The following CAB39 variants were observed in gnomAD, a reference collection of about 807,000 sequenced individuals.
The protein encoded by CAB39 is calcium-binding protein 39.
Under a neutral mutation model 40.0 loss-of-function variants are expected in CAB39, and 8 were observed. The observed-to-expected ratio is 0.20, with a 90% CI of 0.12 to 0.36. CAB39 has a LOEUF of 0.36. Ranked by LOEUF, CAB39 falls within the 10% of genes least tolerant of loss-of-function variation. The pLI, the probability that CAB39 is intolerant of heterozygous loss-of-function variation, is 1.00. For missense variants in CAB39, 270 were observed against 401.1 expected (o/e 0.67, Z 2.79); for synonymous variants, 156 against 141.6 (o/e 1.10, Z -0.72).
chr2:230,756,251 T>C (rs763139743), intron 1 of CAB39, among the ~76,000 whole-genome samples: 4 of 152,244 alleles, frequency 2.6e-5, no homozygotes, highest in African/African-American at 4.8e-5. Flanking sequence ...CTAGATAGTA[T>C]AGTCAACTAC....
intron 2 of CAB39, among the ~76,000 whole-genome samples, chr2:230,764,773 G>C (rs1695355221): frequency 6.6e-6 from 1 of 152,192 alleles, no homozygotes; most frequent in African/African-American, 2.4e-5. Flanking sequence ...GTGTCTGTCT[G>C]TCTTCCAATA....
chr2:230,799,851 G>A (rs747731014), intron 5 of CAB39, among the ~76,000 whole-genome samples: 2 of 152,036 alleles, frequency 1.3e-5, no homozygotes, highest in Non-Finnish European at 2.9e-5. Flanking sequence ...TCAGCCGGGC[G>A]TAGTGGCGCA....
In CAB39 at chr2:230,759,969, C is replaced by A; in HGVS notation, c.-33C>A. On this transcript the variant is annotated 5_prime_UTR_variant, in exon 2 of 9. Transcript: ENST00000258418. ...TGTGCTGTGTTCTAGGTAGCACAGGCGGAGTGCAGCGGAGGCCCCTGCCGC... is the reference window on the plus strand; with the variant it reads ...TGTGCTGTGTTCTAGGTAGCACAGGAGGAGTGCAGCGGAGGCCCCTGCCGC... 1.7e-6 allele frequency: 2 copies of A among 1,170,280 alleles called. No homozygotes were observed. Among genetic ancestry groups the A allele is most frequent in the Non-Finnish European group, 2.6e-6 (2 of 776,476 alleles). The allele number at this position is 1,170,280 out of a possible 1,614,324, so 72.5% of individuals were successfully genotyped here.
chr2:230,724,947 C>T (rs536951414), intron 1 of CAB39, among the ~76,000 whole-genome samples: 12 of 151,394 alleles, frequency 7.9e-5, no homozygotes, highest in Non-Finnish European at 1.2e-4. Context: ...GGAAAAAGGA[C>T]GGGGGAGGCA....
chr2:230,753,511 T>A (rs529522997), intron 1 of CAB39, among the ~76,000 whole-genome samples: 106 of 152,132 alleles, frequency 7.0e-4, no homozygotes, highest in African/African-American at 2.6e-3. Context: ...TCCCAGCACT[T>A]TGGGAGGCTG....
At chr2:230,717,999 T>C (rs1694381608) in intron 1 of CAB39, among the ~76,000 whole-genome samples, 1 of 152,236 alleles carries the variant, frequency 6.6e-6, no homozygotes, top group Non-Finnish European at 1.5e-5. Context: ...TAATAGCTTT[T>C]GTCTTGGTAC....
At chr2:230,748,365 A>G (rs1559596710) in intron 1 of CAB39, among the ~76,000 whole-genome samples, 1 of 152,278 alleles carries the variant, frequency 6.6e-6, no homozygotes, top group East Asian at 1.9e-4. Flanking sequence ...GTGTTGTATC[A>G]TGAGTCACAC....
At chr2:230,803,155 C>T (rs886783894) in intron 5 of CAB39, among the ~76,000 whole-genome samples, 2 of 152,114 alleles carry the variant, frequency 1.3e-5, no homozygotes, top group Admixed American at 6.5e-5. Context: ...AGACAAAAAC[C>T]ATGTGATTAT....
At chr2:230,782,980 T>TTTTTTGTTTTTGTTTTTG (rs112776434) in intron 2 of CAB39, among the ~76,000 whole-genome samples, 2,748 of 147,930 alleles carry the variant, frequency 0.019, 42 homozygotes, top group Non-Finnish European at 0.027. Flanking sequence ...GCCTGGCTAA[T>TTTTTTGTTTTTGTTTTTG]TTTTTGTTTT....
In CAB39 at chr2:230,818,395, A is replaced by T. The variant is rs1696442232; in HGVS notation, c.838-121A>T. On this transcript the variant is annotated intron_variant, in intron 8 of 8. Coordinates refer to ENST00000258418, the MANE Select transcript of CAB39 (RefSeq NM_016289.4). ...ACGCCTTCTAAAGCAAAACCTAATGACCCTGACTTCAGCGCCATCCCAGGA... is the reference window on the plus strand; with the variant it reads ...ACGCCTTCTAAAGCAAAACCTAATGTCCCTGACTTCAGCGCCATCCCAGGA... 4.3e-6 allele frequency: 3 copies of T among 699,008 alleles called. No individual in the cohort carries two copies. In the Admixed American group the frequency reaches 9.1e-5, roughly 21 times the overall value. The allele number at this position is 699,008 out of a possible 1,614,324, so 43.3% of individuals were successfully genotyped here.
At chr2:230,715,887 A>G (rs761093454) in intron 1 of CAB39, among the ~76,000 whole-genome samples, 2 of 152,162 alleles carry the variant, frequency 1.3e-5, no homozygotes, top group Non-Finnish European at 2.9e-5. Flanking sequence ...TTTTATAGAG[A>G]CAGGGTCTTG....
At chr2:230,734,544 A>G (rs2124879599) in intron 1 of CAB39, among the ~76,000 whole-genome samples, 1 of 152,298 alleles carries the variant, frequency 6.6e-6, no homozygotes, top group South Asian at 2.1e-4. Flanking sequence ...TGGGGGTGAT[A>G]TAGAATGACC....
intron 2 of CAB39, among the ~76,000 whole-genome samples, chr2:230,789,758 C>CACTA (rs1368865421): frequency 1.3e-5 from 2 of 152,216 alleles, no homozygotes; most frequent in Non-Finnish European, 2.9e-5. Context: ...AAACTCTAGT[C>CACTA]TTCTTGGCCT....
At chr2:230,747,378 C>CTTGT (rs1180493869) in intron 1 of CAB39, among the ~76,000 whole-genome samples, 3 of 152,224 alleles carry the variant, frequency 2.0e-5, no homozygotes, top group African/African-American at 7.2e-5. Context: ...CTATGAACCA[C>CTTGT]TTGTTGATGG....
intron 7 of CAB39, 123 bp downstream of exon 7, chr2:230,814,237 G>T: frequency 1.8e-6 from 1 of 563,972 alleles, no homozygotes; most frequent in Non-Finnish European, 3.1e-6. Context: ...CCTTTGCCGA[G>T]GGTCAAGATT....
chr2:230,781,623 T>C (rs1034924820), intron 2 of CAB39, among the ~76,000 whole-genome samples: 4 of 152,172 alleles, frequency 2.6e-5, no homozygotes. Context: ...ACATGATGAT[T>C]CAGCAGCTTG....
chr2:230,715,194 C>T (rs1694327016), intron 1 of CAB39, among the ~76,000 whole-genome samples: 1 of 152,108 alleles, frequency 6.6e-6, no homozygotes, highest in Non-Finnish European at 1.5e-5. Context: ...AAAATTTTTA[C>T]TCAACAATGG....
At chr2:230,764,396 T>A (rs946359357) in intron 2 of CAB39, among the ~76,000 whole-genome samples, 1 of 152,192 alleles carries the variant, frequency 6.6e-6, no homozygotes, top group East Asian at 1.9e-4. Flanking sequence ...AGCTGTGATG[T>A]TCTGTGAGTT....
intron 1 of CAB39, among the ~76,000 whole-genome samples, chr2:230,724,714 A>AC (rs1427918665): frequency 6.6e-6 from 1 of 151,328 alleles, no homozygotes; most frequent in East Asian, 1.9e-4. Flanking sequence ...AAAAAAAAAA[A>AC]AAAAAAAACC....
Sources: allele counts gnomAD v4.1 joint callset (sites outside exome capture counted in the v4.1 genomes callset), GRCh38; gene constraint gnomAD v4.1.1; transcripts MANE v1.5; gene names NCBI Gene and HGNC (gene_info 2026-07-23, HGNC 2026-07-21).